Variants in CDYL2 observed in about 807,000 individuals in gnomAD.
CDYL2 encodes chromodomain Y-like protein 2.
CDYL2 carries 23 observed loss-of-function variants against 49.4 expected under a neutral mutation model. The ratio of observed to expected loss-of-function variants is 0.47; its 90% confidence interval spans 0.34 to 0.66. The LOEUF is 0.66. Ranked by LOEUF, CDYL2 falls within the 30% of genes least tolerant of loss-of-function variation. CDYL2 has a pLI of 0.01. For synonymous variants in CDYL2, 360 were observed against 268.8 expected (o/e 1.34, Z -3.32); for missense variants, 678 against 656.4 (o/e 1.03, Z -0.36).
intron 1 of CDYL2, among the ~76,000 whole-genome samples, chr16:80,703,047 T>G (rs938754531): frequency 2.0e-5 from 3 of 152,028 alleles, no homozygotes; most frequent in Non-Finnish European, 2.9e-5. Flanking sequence ...CACATGAATC[T>G]AGGAAAAAAA....
At chr16:80,752,031 T>C (rs1906154794) in intron 1 of CDYL2, among the ~76,000 whole-genome samples, 1 of 151,920 alleles carries the variant, frequency 6.6e-6, no homozygotes, top group Non-Finnish European at 1.5e-5. Flanking sequence ...CCACAGAAGA[T>C]ATAAATACTA....
Position 80,636,684 on chromosome 16 carries a change from C to T in CDYL2, c.617-3448G>A, listed in dbSNP as rs576151191. ...ATCTAGAACTAGAAATACCATTTAA[C>T]CCAGCAATCCCATCCTGGGTATATA... On this transcript the variant is annotated intron_variant, in intron 2 of 6. Coordinates refer to ENST00000570137, the MANE Select transcript of CDYL2 (RefSeq NM_152342.4). Among the ~76,000 whole-genome samples the T allele has an allele frequency of 1.2e-4, 18 of 152,270 alleles. No homozygotes were observed. The East Asian group carries it at 3.3e-3, about 28-fold the overall frequency.
chr16:80,756,057 T>C (rs1427713405), intron 1 of CDYL2, among the ~76,000 whole-genome samples: 1 of 152,164 alleles, frequency 6.6e-6, no homozygotes. Flanking sequence ...TAATTCATAA[T>C]AGTGATATGG....
At chr16:80,751,835 G>T (rs766675904) in intron 1 of CDYL2, among the ~76,000 whole-genome samples, 2 of 152,104 alleles carry the variant, frequency 1.3e-5, no homozygotes, top group Non-Finnish European at 2.9e-5. Flanking sequence ...ACTGAAAACC[G>T]GCTTCCGTCT....
At chr16:80,661,215 G>A (rs1909029914) in intron 2 of CDYL2, among the ~76,000 whole-genome samples, 1 of 152,044 alleles carries the variant, frequency 6.6e-6, no homozygotes, top group Non-Finnish European at 1.5e-5. Context: ...GCTGAAGGAT[G>A]CTATCCCCAA....
intron 2 of CDYL2, among the ~76,000 whole-genome samples, chr16:80,682,487 T>C (rs1365074375): frequency 6.6e-6 from 1 of 152,122 alleles, no homozygotes; most frequent in African/African-American, 2.4e-5. Flanking sequence ...CAGCTCTGCC[T>C]CACCGCAGAA....
At chr16:80,616,294 G>A (rs1002811255) in intron 4 of CDYL2, among the ~76,000 whole-genome samples, 2 of 152,166 alleles carry the variant, frequency 1.3e-5, no homozygotes, top group Non-Finnish European at 2.9e-5. Flanking sequence ...CCAAGGAGAC[G>A]GTCCATGCAG....
intron 3 of CDYL2, chr16:80,627,757 G>C (rs984030919): frequency 6.6e-6 from 1 of 152,178 alleles, no homozygotes; most frequent in Non-Finnish European, 1.5e-5. Flanking sequence ...ATTCTTCTTA[G>C]AGGCTTCTGG....
chr16:80,638,375 A>G (rs753429364), intron 2 of CDYL2, among the ~76,000 whole-genome samples: 10 of 152,204 alleles, frequency 6.6e-5, no homozygotes, highest in Non-Finnish European at 1.3e-4. Context: ...ACACTTCGCC[A>G]AGACTCAATA....
At chr16:80,770,318 A>G (rs1055567540) in intron 1 of CDYL2, among the ~76,000 whole-genome samples, 2 of 152,210 alleles carry the variant, frequency 1.3e-5, no homozygotes, top group Non-Finnish European at 2.9e-5. Context: ...CTATGTATTT[A>G]AAAGGTAAAG....
chr16:80,685,276 C>T (rs1328924949), intron 1 of CDYL2, 147 bp from the exon 2 acceptor site: 4 of 633,932 alleles, frequency 6.3e-6, no homozygotes, highest in Admixed American at 2.9e-5. Context: ...TGCCAGAAGC[C>T]AACACTGGCA....
rs1029965397 is a variant in CDYL2, at chr16:80,599,659, C to A, written c.*4729G>T. ...ACTCATAGGTAAACTTTGTTAACATCTCTCAGGGAGTGCTGACCTTACCCA... is the reference window on the plus strand; with the variant it reads ...ACTCATAGGTAAACTTTGTTAACATATCTCAGGGAGTGCTGACCTTACCCA... On this transcript the variant is annotated 3_prime_UTR_variant, in exon 7 of 7. Coordinates refer to ENST00000570137, the MANE Select transcript of CDYL2 (RefSeq NM_152342.4). The A allele has an allele frequency of 6.6e-6, 1 of 152,182 alleles. No homozygotes were observed. Among genetic ancestry groups the A allele is most frequent in the African/African-American group, 2.4e-5 (1 of 41,442 alleles). The allele number at this position is 152,182 out of a possible 1,614,324, so 9.4% of individuals were successfully genotyped here.
intron 1 of CDYL2, among the ~76,000 whole-genome samples, chr16:80,729,861 T>A (rs1249432481): frequency 1.3e-5 from 2 of 151,858 alleles, no homozygotes; most frequent in Non-Finnish European, 2.9e-5. Flanking sequence ...ACTGGGTGCA[T>A]AACGAAATGA....
intron 1 of CDYL2, among the ~76,000 whole-genome samples, chr16:80,787,590 G>A (rs1035650144): frequency 6.6e-6 from 1 of 151,756 alleles, no homozygotes; most frequent in African/African-American, 2.4e-5. Flanking sequence ...AAATATGTTC[G>A]TTCTCTCTCT....
chr16:80,694,941 C>G (rs1910561637), intron 1 of CDYL2, among the ~76,000 whole-genome samples: 1 of 152,214 alleles, frequency 6.6e-6, no homozygotes, highest in Non-Finnish European at 1.5e-5. Flanking sequence ...ATGGCCAAAA[C>G]TGGAACAATC....
chr16:80,676,704 G>A (rs1909756965), intron 2 of CDYL2, among the ~76,000 whole-genome samples: 1 of 152,210 alleles, frequency 6.6e-6, no homozygotes, highest in Non-Finnish European at 1.5e-5. Flanking sequence ...AAGTGAGATT[G>A]ACTTGTAATT....
intron 1 of CDYL2, among the ~76,000 whole-genome samples, chr16:80,690,052 C>T (rs1597176454): frequency 6.6e-6 from 1 of 151,092 alleles, no homozygotes; most frequent in South Asian, 2.1e-4. Context: ...ACCCAGGAGG[C>T]GGAGGTTACA....
intron 2 of CDYL2, chr16:80,662,661 T>C (rs1368687487): frequency 1.1e-5 from 5 of 444,526 alleles, no homozygotes; most frequent in Middle Eastern, 5.7e-4. Flanking sequence ...AATATCTGCA[T>C]TGTCTAATAC....
chr16:80,754,460 C>G (rs1403902097), intron 1 of CDYL2, among the ~76,000 whole-genome samples: 1 of 152,200 alleles, frequency 6.6e-6, no homozygotes, highest in Non-Finnish European at 1.5e-5. Flanking sequence ...TGCAGAGGAA[C>G]TTTCCGGAGT....
Sources: gnomAD v4.1 joint callset for allele counts (sites outside exome capture counted in the v4.1 genomes callset) on GRCh38, gnomAD v4.1.1 for gene constraint, MANE v1.5 for transcripts, NCBI Gene and HGNC (gene_info 2026-07-23, HGNC 2026-07-21) for gene names.